HDAC4: variants seen among roughly 807,000 people sequenced by gnomAD.
HDAC4 encodes the protein histone deacetylase A.
A neutral mutation model predicts 135.1 loss-of-function variants in HDAC4; 16 were observed. The observed-to-expected ratio is 0.12, with a 90% CI of 0.08 to 0.18. The LOEUF is 0.18. Among genes scored for constraint, HDAC4 ranks in the 10% least tolerant of loss-of-function variants. The probability of loss-of-function intolerance (pLI) is 1.00; values close to 1 mark genes in which losing one functional copy is unlikely to be tolerated. For synonymous variants in HDAC4, 685 were observed against 653.4 expected (o/e 1.05, Z -0.74); for missense variants, 1,143 against 1,511.8 (o/e 0.76, Z 4.05).
chr2:239,130,862 C>T (rs1018759682), intron 11 of HDAC4, among the ~76,000 whole-genome samples: 5 of 152,228 alleles, frequency 3.3e-5, no homozygotes, highest in African/African-American at 1.2e-4. Flanking sequence ...CTCAGCCACA[C>T]GGGCATCATA....
chr2:239,133,381 G>GCAA (rs1214360118), intron 11 of HDAC4, among the ~76,000 whole-genome samples: 1 of 152,314 alleles, frequency 6.6e-6, no homozygotes, highest in East Asian at 1.9e-4. Context: ...CTTTCAATTG[G>GCAA]CAACAACAGG....
At chr2:239,344,650 C>A (rs1173987295) in intron 2 of HDAC4, among the ~76,000 whole-genome samples, 1 of 152,216 alleles carries the variant, frequency 6.6e-6, no homozygotes, top group Non-Finnish European at 1.5e-5. Context: ...TAGTGACAAT[C>A]TGAGAGCTGC....
chr2:239,126,607 A>G lies in HDAC4; in HGVS notation c.1382T>C (p.Leu461Pro). ...ADRVSPSIHK[L>P]RQHRPLGRTQ... ...CCGCCCCAGTGGGCGGTGCTGCCGC[A>G]GCTTGTGGATGGAGGGGGACACCCG... The change falls in exon 12 of 27, where the codon CTG (leucine) becomes CCG (proline). Residue 461 changes from leucine to proline, a missense_variant. Leu to Pro is a moderately conservative substitution (Grantham distance 98). Coordinates refer to ENST00000543185, the MANE Select transcript of HDAC4 (RefSeq NM_001378414.1). 1 of 1,613,956 alleles carries G rather than the reference A, an allele frequency of 6.2e-7. No individual in the cohort carries two copies. Among genetic ancestry groups the G allele is most frequent in the Non-Finnish European group, 8.5e-7 (1 of 1,179,994 alleles).
At chr2:239,110,795 AG>A (rs1305102733) in intron 14 of HDAC4, among the ~76,000 whole-genome samples, 1 of 152,228 alleles carries the variant, frequency 6.6e-6, no homozygotes, top group East Asian at 1.9e-4. Context: ...GCCAGAAGCC[AG>A]CCCTCCTTCC....
At chr2:239,401,595 G>A (rs1483882054), upstream of HDAC4, 2 of 248,316 alleles carry the variant, frequency 8.1e-6, no homozygotes, top group East Asian at 1.7e-4. Flanking sequence ...ATGGGGTGCA[G>A]GCTAACGCGG....
rs1033070233 is a variant in HDAC4 at position 239,299,842 on chromosome 2, AAC to A, written c.22+52834_22+52835del. On this transcript the variant is annotated intron_variant, in intron 2 of 26. Transcript: ENST00000543185. The surrounding 1 kb of genome is among the most constrained non-coding windows in gnomAD (Gnocchi z 4.0). ...CACACACCAGACGAACCAAACCAGC[AAC>A]AGAGCGGAGAGCCTGCAGGGACGCA... Among the ~76,000 whole-genome samples, 10 of 152,278 alleles carry A rather than the reference AAC, an allele frequency of 6.6e-5. No individual in the cohort carries two copies. Among genetic ancestry groups the A allele is most frequent in the African/African-American group, 2.4e-4 (10 of 41,562 alleles).
At chr2:239,060,899 A>G (rs773209545) in intron 24 of HDAC4, among the ~76,000 whole-genome samples, 11 of 152,212 alleles carry the variant, frequency 7.2e-5, no homozygotes, top group Non-Finnish European at 1.5e-4. Context: ...TGTCCCTTAC[A>G]TCCCAACACC....
intron 2 of HDAC4, among the ~76,000 whole-genome samples, chr2:239,268,202 C>T (rs1159424038): frequency 2.6e-5 from 4 of 152,224 alleles, no homozygotes; most frequent in Non-Finnish European, 5.9e-5. Flanking sequence ...GAACTTGGTC[C>T]TCAGCAAACT....
intron 1 of HDAC4, among the ~76,000 whole-genome samples, chr2:239,377,131 G>A (rs987581758): frequency 2.6e-5 from 4 of 152,174 alleles, no homozygotes; most frequent in African/African-American, 7.2e-5. Context: ...CAAAGCCGGG[G>A]TGGGCTGCGC....
At chr2:239,325,559 T>G (rs984613410) in intron 2 of HDAC4, among the ~76,000 whole-genome samples, 1 of 152,176 alleles carries the variant, frequency 6.6e-6, no homozygotes, top group Non-Finnish European at 1.5e-5. Context: ...ATTTCAAAAT[T>G]GGAAAATAAA....
intron 14 of HDAC4, 65 bp downstream of exon 14, chr2:239,111,461 C>G (rs1011604613): frequency 6.8e-7 from 1 of 1,475,952 alleles, no homozygotes; most frequent in Admixed American, 2.0e-5. Context: ...CCGGGAAGAG[C>G]CCCCCGCGCT....
rs530108704 is a variant in HDAC4 at position 239,365,902 on chromosome 2, G to A, written c.-219-12984C>T. Reference sequence around the variant, plus strand: ...ACTGGGGGACACACAGAGACATGCAGGCACAGACCAGGGTCGTCAGGGTCA... The same window carrying A: ...ACTGGGGGACACACAGAGACATGCAAGCACAGACCAGGGTCGTCAGGGTCA... On this transcript the variant is annotated intron_variant, in intron 1 of 26. Transcript: ENST00000543185. Among the ~76,000 whole-genome samples the A allele has an allele frequency of 2.6e-3, 342 of 133,426 alleles. 1 individual carries two copies. Among genetic ancestry groups the A allele is most frequent in the African/African-American group, 9.5e-3 (331 of 34,980 alleles). 87.5% of individuals were successfully genotyped at this position (133,426 alleles called of 152,430 possible).
At chr2:239,175,258 G>A (rs892156448) in intron 5 of HDAC4, among the ~76,000 whole-genome samples, 3 of 152,242 alleles carry the variant, frequency 2.0e-5, no homozygotes, top group Non-Finnish European at 4.4e-5. Flanking sequence ...TAAACACACA[G>A]TGAGCCAAGG....
At chr2:239,132,847 G>A (rs980696188) in intron 11 of HDAC4, among the ~76,000 whole-genome samples, 11 of 152,318 alleles carry the variant, frequency 7.2e-5, no homozygotes, top group South Asian at 6.2e-4. Flanking sequence ...CACATTTTAC[G>A]TTTTTAAAGA....
At chr2:239,217,580 G>A (rs937486210) in intron 3 of HDAC4, among the ~76,000 whole-genome samples, 2 of 152,094 alleles carry the variant, frequency 1.3e-5, no homozygotes, top group Admixed American at 1.3e-4. Flanking sequence ...GTGCCGACGG[G>A]CTACTCTCTC....
intron 11 of HDAC4, among the ~76,000 whole-genome samples, chr2:239,129,059 G>A (rs529413717): frequency 4.4e-4 from 67 of 152,294 alleles, no homozygotes; most frequent in Admixed American, 1.4e-3. Context: ...CAGAACTGGT[G>A]TGAGCAGAGA....
rs374514955 is a variant in HDAC4 at position 239,163,939 on chromosome 2, G to A, written c.491-16C>T. ...GCCACGGCACCTGGCGTGGGAGAAA[G>A]CATAGCAGGGGGTGAAGTGTGGCTC... On this transcript the variant is annotated splice_polypyrimidine_tract_variant and intron_variant, in intron 5 of 26. Coordinates refer to ENST00000543185, the MANE Select transcript of HDAC4 (RefSeq NM_001378414.1). The A allele has an allele frequency of 9.9e-6, 16 of 1,613,838 alleles. No individual in the cohort carries two copies. The highest frequency in any genetic ancestry group is 6.7e-5 in the African/African-American group (5 of 74,936).
rs534033942 is a variant in HDAC4 at position 239,280,924 on chromosome 2, C to G, written c.23-44260G>C. On this transcript the variant is annotated intron_variant, in intron 2 of 26. Coordinates refer to ENST00000543185, the MANE Select transcript of HDAC4 (RefSeq NM_001378414.1). Reference sequence around the variant, plus strand: ...ACCACTCTACAATGTACACACCACTCTCCACACAATGTACACACCACTCTA... The same window carrying G: ...ACCACTCTACAATGTACACACCACTGTCCACACAATGTACACACCACTCTA... 1.8e-3 allele frequency among the ~76,000 whole-genome samples: 271 copies of G among 150,342 alleles called. 1 individual carries two copies. The highest frequency in any genetic ancestry group is 3.5e-3 in the Middle Eastern group (1 of 288).
intron 2 of HDAC4, among the ~76,000 whole-genome samples, chr2:239,272,033 T>C (rs1420105550): frequency 1.3e-5 from 2 of 152,242 alleles, no homozygotes; most frequent in Admixed American, 6.5e-5. Flanking sequence ...CAGCTCTCTC[T>C]GTGAAACCTT....
Sources: gnomAD v4.1 joint callset for allele counts (sites outside exome capture counted in the v4.1 genomes callset) on GRCh38, gnomAD v4.1.1 for gene constraint, Gnocchi (gnomAD v3.1) non-coding constraint, MANE v1.5 for transcripts, NCBI Gene and HGNC (gene_info 2026-07-23, HGNC 2026-07-21) for gene names.